The following DNAH17 variants were observed in gnomAD, a reference collection of about 807,000 sequenced individuals.
The protein encoded by DNAH17 is dynein axonemal heavy chain 17.
Under a neutral mutation model 485.6 loss-of-function variants are expected in DNAH17, and 376 were observed. That is an observed-to-expected ratio of 0.77 (90% confidence interval 0.71 to 0.84). The LOEUF (loss-of-function observed/expected upper bound fraction) is 0.84. Ranked by LOEUF, DNAH17 falls within the 40% of genes least tolerant of loss-of-function variation. The pLI is 0.00. For synonymous variants in DNAH17, 3,031 were observed against 2,405.9 expected, an observed-to-expected ratio of 1.26 and a Z score of -7.60; for missense variants, 6,370 against 5,839.3, an observed-to-expected ratio of 1.09 and a Z score of -2.96.
chr17:78,463,624 G>A (rs1417077515), intron 56 of DNAH17, among the ~76,000 whole-genome samples: 5 of 152,324 alleles, frequency 3.3e-5, no homozygotes, highest in Admixed American at 1.3e-4. Flanking sequence ...TCACATACCT[G>A]CATACCTGAA....
intron 17 of DNAH17, among the ~76,000 whole-genome samples, chr17:78,542,204 G>A (rs1251975263): frequency 6.6e-6 from 1 of 151,040 alleles, no homozygotes; most frequent in Non-Finnish European, 1.5e-5. Flanking sequence ...CTGGAATGCA[G>A]TGGTGCAATC....
Position 78,428,693 on chromosome 17 carries a change from G to A in DNAH17, c.12420C>T (p.Tyr4140=), listed in dbSNP as rs1004903097. Residue 4140 remains tyrosine, a synonymous_variant, in exon 77 of 81, where the codon TAC becomes TAT. Transcript: ENST00000389840. ...PNLDYKGYHE[Y]IDENLPPESP... ...TCTCAGGGGGCAGGTTCTCATCGAT[G>A]TATTCGTGGTAACCCTGAAAAAGAG... The A allele has an allele frequency of 6.2e-7, 1 of 1,613,678 alleles. No homozygotes were observed. Among genetic ancestry groups the A allele is most frequent in the African/African-American group, 1.3e-5 (1 of 74,876 alleles).
At chr17:78,426,028 G>T (rs1476607257) in intron 79 of DNAH17, among the ~76,000 whole-genome samples, 1 of 152,162 alleles carries the variant, frequency 6.6e-6, no homozygotes, top group African/African-American at 2.4e-5. Flanking sequence ...CTCCCAAAGT[G>T]CTGGGATTAC....
intron 48 of DNAH17, among the ~76,000 whole-genome samples, chr17:78,484,125 A>T (rs985095350): frequency 3.2e-5 from 4 of 124,808 alleles, no homozygotes; most frequent in Non-Finnish European, 6.9e-5. Flanking sequence ...AAAAAAAAAA[A>T]GACAACTGAA....
intron 75 of DNAH17, 38 bp from the exon 76 acceptor site, chr17:78,429,338 T>C (rs2086593441): frequency 6.3e-7 from 1 of 1,596,730 alleles, no homozygotes; most frequent in Non-Finnish European, 8.6e-7. Context: ...AAAGTGCCCC[T>C]GTGCCCCTTC....
rs748277217 is a variant in DNAH17, at chr17:78,486,207, C to A, written c.7101+17G>T. The A allele has an allele frequency of 2.5e-6, 4 of 1,582,166 alleles. No individual in the cohort carries two copies. The East Asian group carries it at 9.0e-5, about 35-fold the overall frequency. ...GAGAGACCCTGTGTGGGTGGCCGGG[C>A]CCCCCAGGTGCATCACCTGGTCCTG... is the stretch of plus-strand genomic sequence containing the variant. On this transcript the variant is annotated intron_variant, in intron 45 of 80. Transcript: ENST00000389840.
At chr17:78,496,236 G>T (rs1006773829) in intron 37 of DNAH17, among the ~76,000 whole-genome samples, 1 of 152,226 alleles carries the variant, frequency 6.6e-6, no homozygotes, top group East Asian at 1.9e-4. Context: ...AGAGGGCCAG[G>T]CACAGTGGCT....
At chr17:78,456,368 TC>T (rs1358385997) in intron 62 of DNAH17, among the ~76,000 whole-genome samples, 1 of 152,138 alleles carries the variant, frequency 6.6e-6, no homozygotes, top group Non-Finnish European at 1.5e-5. Flanking sequence ...ATGCTGTGTT[TC>T]CTCTTCCCAA....
At chr17:78,447,127 T>G (rs1447110119) in intron 69 of DNAH17, among the ~76,000 whole-genome samples, 1 of 152,030 alleles carries the variant, frequency 6.6e-6, no homozygotes, top group East Asian at 1.9e-4. Flanking sequence ...GATGGGGTCT[T>G]GCTATATTGA....
chr17:78,458,941 C>T lies in DNAH17; in HGVS notation c.9861+60G>A, dbSNP rs530767950. 712 of 1,560,260 alleles carry T rather than the reference C, an allele frequency of 4.6e-4. 5 individuals carry two copies. In the African/African-American group the frequency reaches 5.1e-3, roughly 11 times the overall value. ...AACCCATTTTCAACAGAGGTATTGA[C>T]TGGCAGCGCGAGCAAGCGGCTCTGG... is the stretch of plus-strand genomic sequence containing the variant. On this transcript the variant is annotated intron_variant, in intron 61 of 80. Coordinates refer to ENST00000389840, the MANE Select transcript of DNAH17 (RefSeq NM_173628.4).
chr17:78,484,742 C>CCCCAGCCG, intron 48 of DNAH17, 126 bp downstream of exon 48: 7 of 322,910 alleles, frequency 2.2e-5, no homozygotes, highest in Non-Finnish European at 3.1e-5. Context: ...TTGCAGCACC[C>CCCCAGCCG]CCCCCACCGC....
rs1028327208 is a variant in DNAH17 at position 78,567,280 on chromosome 17, G to A, written c.1285-114C>T. The A allele has an allele frequency of 7.2e-6, 8 of 1,103,490 alleles. No individual in the cohort carries two copies. The Admixed American group carries it at 1.2e-4, about 17-fold the overall frequency. The allele number at this position is 1,103,490 out of a possible 1,614,324, so 68.4% of individuals were successfully genotyped here. On this transcript the variant is annotated intron_variant, in intron 9 of 80. Coordinates refer to ENST00000389840, the MANE Select transcript of DNAH17 (RefSeq NM_173628.4). The stretch of plus-strand genomic sequence containing the variant: ...GAGCTGGGGAGCAAAATGTCCCCAG[G>A]AGACACCAACCATGGGGGTGGGAGG...
intron 48 of DNAH17, among the ~76,000 whole-genome samples, chr17:78,482,070 C>CTTTTTTTTTTTTTTTTTTTTT (rs36105381): frequency 7.7e-6 from 1 of 130,664 alleles, no homozygotes; most frequent in Non-Finnish European, 1.6e-5. Flanking sequence ...ACACTAGTTA[C>CTTTTTTTTTTTTTTTTTTTTT]TTTTTTTTTT....
At chr17:78,558,394 T>C in intron 13 of DNAH17, 140 bp from the exon 14 acceptor site, 2 of 1,066,724 alleles carry the variant, frequency 1.9e-6, no homozygotes, top group Non-Finnish European at 2.6e-6. Context: ...GCAGTATTTG[T>C]TGGCAGGACC....
chr17:78,487,663 C>T (rs8079547), intron 44 of DNAH17, among the ~76,000 whole-genome samples: 83,516 of 151,966 alleles, frequency 0.55, 23,228 homozygotes, highest in African/African-American at 0.63. Flanking sequence ...TAGCTGGGAT[C>T]ACAGGCGTGC....
At position 78,423,793 on chromosome 17, in the gene DNAH17, A is replaced by AAGAG; in HGVS notation, c.*109_*112dup. ...TTGGTTACAAAGCACCTGATTATTT[A>AAGAG]AGAGAACGAAAAACCACCACCAGTT... is the stretch of plus-strand genomic sequence containing the variant. On this transcript the variant is annotated 3_prime_UTR_variant, in exon 81 of 81. Coordinates refer to ENST00000389840, the MANE Select transcript of DNAH17 (RefSeq NM_173628.4). The AAGAG allele has an allele frequency of 7.3e-7, 1 of 1,376,916 alleles. No individual in the cohort carries two copies. 85.3% of individuals were successfully genotyped at this position (1,376,916 alleles called of 1,614,324 possible). A position where few individuals can be genotyped will look rare whatever the true frequency, so the allele number is the denominator to read the frequency against.
chr17:78,459,304 TCTGGAGGGGCAGCG>T (rs1434324054), intron 60 of DNAH17, 96 bp from the exon 61 acceptor site: 4 of 1,194,852 alleles, frequency 3.3e-6, no homozygotes, highest in Non-Finnish European at 4.9e-6. Context: ...GTGGCACAGC[TCTGGAGGGGCAGCG>T]CTGGGATTCA....
intron 61 of DNAH17, 68 bp from the exon 62 acceptor site, chr17:78,458,748 C>T (rs1325745157): frequency 7.2e-6 from 10 of 1,392,478 alleles, no homozygotes; most frequent in African/African-American, 2.8e-5. Flanking sequence ...GCAGCGGCAG[C>T]AGGGCTGGGC....
intron 74 of DNAH17, among the ~76,000 whole-genome samples, chr17:78,437,399 A>G (rs2086883384): frequency 6.8e-6 from 1 of 147,226 alleles, no homozygotes. Context: ...ATTAAAAACT[A>G]TGTGTTTCTG....
Sources: allele counts gnomAD v4.1 joint callset (sites outside exome capture counted in the v4.1 genomes callset), GRCh38; gene constraint gnomAD v4.1.1; transcripts MANE v1.5; gene names NCBI Gene and HGNC (gene_info 2026-07-23, HGNC 2026-07-21).